MACROD2: variants seen among roughly 807,000 people sequenced by gnomAD.
MACROD2 encodes ADP-ribose glycohydrolase MACROD2.
MACROD2 carries 36 observed loss-of-function variants against 70.4 expected under a neutral mutation model. That is an observed-to-expected ratio of 0.51 (90% CI 0.39 to 0.68). MACROD2 has a LOEUF of 0.68. MACROD2 is among the 30% of genes least tolerant of loss of function. The probability of loss-of-function intolerance (pLI) is 0.00; values close to 1 mark genes in which losing one functional copy is unlikely to be tolerated. For synonymous variants in MACROD2, 172 were observed against 178.8 expected (o/e 0.96, Z 0.30); for missense variants, 496 against 538.4 (o/e 0.92, Z 0.78).
At chr20:14,791,500 A>C (rs1600667923) in intron 5 of MACROD2, among the ~76,000 whole-genome samples, 1 of 152,100 alleles carries the variant, frequency 6.6e-6, no homozygotes, top group African/African-American at 2.4e-5. Context: ...CCCTGGTTTT[A>C]CCCATGGCCT....
chr20:15,278,932 T>C (rs574624678), intron 6 of MACROD2, among the ~76,000 whole-genome samples: 2 of 152,228 alleles, frequency 1.3e-5, no homozygotes, highest in South Asian at 4.1e-4. Flanking sequence ...TTCCTGAATG[T>C]GAAATGGATG....
At chr20:15,507,400 C>CTTCT (rs1364291834) in intron 8 of MACROD2, among the ~76,000 whole-genome samples, 1 of 148,470 alleles carries the variant, frequency 6.7e-6, no homozygotes, top group African/African-American at 2.5e-5. Flanking sequence ...TCCTTCCTTC[C>CTTCT]TTCTTTCTTT....
intron 12 of MACROD2, among the ~76,000 whole-genome samples, chr20:15,939,385 G>A (rs1041462498): frequency 1.3e-5 from 2 of 152,130 alleles, no homozygotes; most frequent in Admixed American, 6.6e-5. Context: ...AAGAATCCTA[G>A]TGCTCTTAAC....
chr20:15,084,345 G>C (rs1316599544), intron 5 of MACROD2, among the ~76,000 whole-genome samples: 1 of 152,062 alleles, frequency 6.6e-6, no homozygotes, highest in Non-Finnish European at 1.5e-5. Context: ...TGGGATTACA[G>C]ACGTGAGCCA....
chr20:15,618,775 G>A (rs1327964143), intron 8 of MACROD2, among the ~76,000 whole-genome samples: 2 of 152,154 alleles, frequency 1.3e-5, no homozygotes, highest in African/African-American at 4.8e-5. Context: ...CACCTTACCC[G>A]GTGCCTAGAC....
At chr20:15,561,448 G>A (rs559591195) in intron 8 of MACROD2, among the ~76,000 whole-genome samples, 1 of 152,266 alleles carries the variant, frequency 6.6e-6, no homozygotes, top group East Asian at 1.9e-4. Flanking sequence ...TGGCTGGGTA[G>A]GGTGGTTACT....
At chr20:14,064,994 A>G (rs761206400) in intron 2 of MACROD2, among the ~76,000 whole-genome samples, 13 of 152,348 alleles carry the variant, frequency 8.5e-5, no homozygotes, top group African/African-American at 2.9e-4. Flanking sequence ...TTAAGTTTAC[A>G]TACAATCTGA....
intron 10 of MACROD2, among the ~76,000 whole-genome samples, chr20:15,917,537 GT>G (rs1416401358): frequency 1.3e-5 from 2 of 152,316 alleles, no homozygotes; most frequent in East Asian, 3.9e-4. Flanking sequence ...TTGTGTCAGA[GT>G]TGGCTTTTAA....
intron 5 of MACROD2, among the ~76,000 whole-genome samples, chr20:15,179,647 C>G (rs1372366345): frequency 6.6e-6 from 1 of 152,132 alleles, no homozygotes; most frequent in Admixed American, 6.5e-5. Flanking sequence ...GGCCCAGCCC[C>G]AAGGATACCA....
At chr20:15,579,157 G>A (rs965949319) in intron 8 of MACROD2, among the ~76,000 whole-genome samples, 17 of 152,038 alleles carry the variant, frequency 1.1e-4, no homozygotes, top group Admixed American at 4.6e-4. Context: ...AAATATTAGG[G>A]GTGCAACTGT....
chr20:15,883,704 A>C (rs557546292), intron 9 of MACROD2, among the ~76,000 whole-genome samples: 8 of 152,266 alleles, frequency 5.3e-5, no homozygotes, highest in African/African-American at 1.9e-4. Flanking sequence ...GTAAATCTTC[A>C]CTGACTTCCC....
At chr20:15,470,500 G>T (rs749130600) in intron 7 of MACROD2, among the ~76,000 whole-genome samples, 3 of 152,118 alleles carry the variant, frequency 2.0e-5, no homozygotes, top group South Asian at 2.1e-4. Context: ...CTACTCCTTT[G>T]TATGTCATCT....
chr20:15,237,605 G>A (rs948488285), intron 6 of MACROD2, among the ~76,000 whole-genome samples: 14 of 152,038 alleles, frequency 9.2e-5, no homozygotes, highest in African/African-American at 3.1e-4. Flanking sequence ...TCTATAGGAG[G>A]TGATGACAGG....
At chr20:15,659,077 G>C (rs574515161) in intron 8 of MACROD2, among the ~76,000 whole-genome samples, 2 of 152,102 alleles carry the variant, frequency 1.3e-5, no homozygotes, top group South Asian at 4.1e-4. Flanking sequence ...TGGGAGGATG[G>C]AATATAGTGA....
Position 15,317,426 on chromosome 20 carries a change from A to G in MACROD2, c.540+87365A>G, listed in dbSNP as rs192747464. Among the ~76,000 whole-genome samples, 7 of 152,004 alleles carry G rather than the reference A, an allele frequency of 4.6e-5. No individual in the cohort carries two copies. In the East Asian group the frequency reaches 5.8e-4, roughly 13 times the overall value. Reference sequence around the variant, plus strand: ...TGACTCAAGAAGAAACATTAGTATTAGTGTTCTCCAGTGAAACAGAGCTAA... The same window carrying G: ...TGACTCAAGAAGAAACATTAGTATTGGTGTTCTCCAGTGAAACAGAGCTAA... On this transcript the variant is annotated intron_variant, in intron 6 of 17. Coordinates refer to ENST00000684519, the MANE Select transcript of MACROD2 (RefSeq NM_001351661.2).
At chr20:15,858,500 A>T (rs2064384144) in intron 8 of MACROD2, among the ~76,000 whole-genome samples, 1 of 152,210 alleles carries the variant, frequency 6.6e-6, no homozygotes, top group Non-Finnish European at 1.5e-5. Context: ...GTAGGAGTCA[A>T]GTACTACATA....
intron 8 of MACROD2, among the ~76,000 whole-genome samples, chr20:15,644,173 A>G (rs1490311802): frequency 6.6e-6 from 1 of 152,168 alleles, no homozygotes; most frequent in East Asian, 1.9e-4. Context: ...TGACTCTCAC[A>G]GAGAGAAAGT....
intron 4 of MACROD2, among the ~76,000 whole-genome samples, chr20:14,558,551 G>A (rs962332044): frequency 1.5e-4 from 22 of 151,666 alleles, no homozygotes; most frequent in African/African-American, 5.1e-4. Context: ...TATTCTTACC[G>A]ATAAACTTCA....
At chr20:14,104,757 C>T (rs1207024328) in intron 3 of MACROD2, among the ~76,000 whole-genome samples, 1 of 152,292 alleles carries the variant, frequency 6.6e-6, no homozygotes, top group East Asian at 1.9e-4. Context: ...TGCTGCTTTT[C>T]ATTTGGACTG....
Sources: gnomAD v4.1 joint callset for allele counts (sites outside exome capture counted in the v4.1 genomes callset) on GRCh38, gnomAD v4.1.1 for gene constraint, MANE v1.5 for transcripts, NCBI Gene and HGNC (gene_info 2026-07-23, HGNC 2026-07-21) for gene names.